KCNH5: variants seen among roughly 807,000 people sequenced by gnomAD.
The protein encoded by KCNH5 is potassium voltage-gated channel subfamily H member 5.
Under a neutral mutation model 96.1 loss-of-function variants are expected in KCNH5, and 46 were observed. The ratio of observed to expected loss-of-function variants is 0.48; its 90% CI spans 0.38 to 0.61. The LOEUF (loss-of-function observed/expected upper bound fraction) is 0.61. Among genes scored for constraint, KCNH5 ranks in the 20% least tolerant of loss-of-function variants. The pLI is 0.00. For missense variants in KCNH5, 907 were observed against 1,225.8 expected (o/e 0.74, Z 3.88); for synonymous variants, 439 against 449.8 (o/e 0.98, Z 0.30).
At chr14:62,890,339 A>G (rs1295081532) in intron 7 of KCNH5, among the ~76,000 whole-genome samples, 3 of 152,188 alleles carry the variant, frequency 2.0e-5, no homozygotes, top group African/African-American at 7.2e-5. Flanking sequence ...GTATCTGGGA[A>G]AGGTCTAATA....
At chr14:62,998,076 T>C (rs894990412) in intron 4 of KCNH5, among the ~76,000 whole-genome samples, 3 of 152,226 alleles carry the variant, frequency 2.0e-5, no homozygotes, top group Middle Eastern at 3.4e-3. Flanking sequence ...TCCCTAAACG[T>C]ATGGTAGCGC....
At position 62,707,546 on chromosome 14, in the gene KCNH5, C is replaced by T; in HGVS notation, c.2929G>A (p.Glu977Lys). The change falls in exon 11 of 11, where the codon GAA (glutamate) becomes AAA (lysine). Residue 977 changes from glutamate to lysine, a missense_variant. Glu to Lys is a moderately conservative substitution (Grantham distance 56, BLOSUM62 1). This residue lies in a region of KCNH5 where 362 missense variants were observed against 394.4 expected (regional missense o/e 0.92). Transcript: ENST00000322893. Reference sequence around the variant, plus strand: ...TCATCTTTGTCAGATTCAGGTGATTCAGGCCTTGAGACACTAAAAATATCC... The same window carrying T: ...TCATCTTTGTCAGATTCAGGTGATTTAGGCCTTGAGACACTAAAAATATCC... ...CQDIFSVSRPESPESDKDEIH... is the reference protein window; with the variant it reads ...CQDIFSVSRPKSPESDKDEIH... 2 of 1,470,016 alleles carry T rather than the reference C, an allele frequency of 1.4e-6. No homozygotes were observed. The highest frequency in any genetic ancestry group is 1.6e-5 in the South Asian group (1 of 61,418). 91.1% of individuals were successfully genotyped at this position (1,470,016 alleles called of 1,614,324 possible).
At chr14:62,840,566 C>CTTTTCTTTCTTTTTTTTTTTTT (rs1887561319) in intron 8 of KCNH5, among the ~76,000 whole-genome samples, 2 of 76,366 alleles carry the variant, frequency 2.6e-5, no homozygotes, top group African/African-American at 1.2e-4. Context: ...TCTTTTTTTT[C>CTTTTCTTTCTTTTTTTTTTTTT]TTTTTTTTTT....
chr14:62,941,979 GAAA>G (rs1889798459), intron 7 of KCNH5, among the ~76,000 whole-genome samples: 1 of 152,014 alleles, frequency 6.6e-6, no homozygotes, highest in Non-Finnish European at 1.5e-5. Context: ...TTTCTATATG[GAAA>G]AACACTTCTC....
chr14:62,787,032 G>A (rs1886334105), intron 9 of KCNH5, among the ~76,000 whole-genome samples: 1 of 152,136 alleles, frequency 6.6e-6, no homozygotes, highest in South Asian at 2.1e-4. Flanking sequence ...AAAAGGAAGA[G>A]TCACAAATCT....
At chr14:62,981,985 G>A (rs10138377) in intron 5 of KCNH5, among the ~76,000 whole-genome samples, 151,190 of 152,318 alleles carry the variant, frequency 0.99, 75,042 homozygotes, top group Middle Eastern at 1. Context: ...AACAAAGATA[G>A]AAAGCAGATG....
At chr14:62,832,208 T>C (rs1393040007) in intron 8 of KCNH5, among the ~76,000 whole-genome samples, 1 of 152,188 alleles carries the variant, frequency 6.6e-6, no homozygotes, top group Admixed American at 6.5e-5. Flanking sequence ...GTAGTAATAA[T>C]TATAAGCATA....
intron 8 of KCNH5, among the ~76,000 whole-genome samples, chr14:62,834,109 T>C (rs1008855186): frequency 1.3e-5 from 2 of 152,048 alleles, no homozygotes; most frequent in African/African-American, 2.4e-5. Context: ...CTCGTGGCTT[T>C]TATAAAATCA....
At chr14:62,952,499 CG>C (rs1890026056) in intron 6 of KCNH5, among the ~76,000 whole-genome samples, 2 of 151,992 alleles carry the variant, frequency 1.3e-5, no homozygotes, top group South Asian at 4.1e-4. Context: ...TCTAAAGAAA[CG>C]CATAATCGAA....
rs888799086 is a variant in KCNH5 at position 62,938,391 on chromosome 14, TG to T, written c.1369+11741del. ...GGGCTAACTCAGTTGTCACAACATA[TG>T]AAAATATTAAACAAGTAGGTAAGAA... On this transcript the variant is annotated intron_variant, in intron 7 of 10. Coordinates refer to ENST00000322893, the MANE Select transcript of KCNH5 (RefSeq NM_139318.5). Among the ~76,000 whole-genome samples, 11 of 152,262 alleles carry T rather than the reference TG, an allele frequency of 7.2e-5. No homozygotes were observed. In the South Asian group the frequency reaches 1.0e-3, roughly 14 times the overall value.
At chr14:62,841,241 A>T (rs1427645296) in intron 8 of KCNH5, among the ~76,000 whole-genome samples, 1 of 152,222 alleles carries the variant, frequency 6.6e-6, no homozygotes, top group Non-Finnish European at 1.5e-5. Flanking sequence ...CTGTTTCTTA[A>T]AAGTTTAGTT....
Position 62,705,374 on chromosome 14 carries a change from T to C in KCNH5, c.*2134A>G, listed in dbSNP as rs529660754. ...TCACCTTTAAAAGCTTAAGCCAAAC[T>C]TGACTTAAACAAATAGAAAAATACC... On this transcript the variant is annotated 3_prime_UTR_variant, in exon 11 of 11. Coordinates refer to ENST00000322893, the MANE Select transcript of KCNH5 (RefSeq NM_139318.5). 28 of 152,058 alleles carry C rather than the reference T, an allele frequency of 1.8e-4. No individual in the cohort carries two copies. The highest frequency in any genetic ancestry group is 3.4e-3 in the Middle Eastern group (1 of 294). The allele number at this position is 152,058 out of a possible 1,614,324, so 9.4% of individuals were successfully genotyped here.
chr14:62,790,957 C>T (rs758860318), intron 9 of KCNH5, among the ~76,000 whole-genome samples: 2 of 151,648 alleles, frequency 1.3e-5, no homozygotes, highest in East Asian at 1.9e-4. Flanking sequence ...GTTTTAAATG[C>T]CTTTCATTTA....
chr14:62,851,412 G>A (rs992240710), intron 7 of KCNH5, among the ~76,000 whole-genome samples: 2 of 151,018 alleles, frequency 1.3e-5, no homozygotes, highest in South Asian at 2.1e-4. Flanking sequence ...GAAATGAAGA[G>A]GTTACTAGGA....
intron 10 of KCNH5, among the ~76,000 whole-genome samples, chr14:62,759,185 T>G (rs1885691689): frequency 3.3e-5 from 5 of 152,170 alleles, no homozygotes. Context: ...TAGTTTGACT[T>G]ATTTTGGTAA....
chr14:63,003,618 AT>A (rs1594670130), intron 3 of KCNH5, among the ~76,000 whole-genome samples: 2 of 124,344 alleles, frequency 1.6e-5, no homozygotes, highest in African/African-American at 6.6e-5. Context: ...TTATATATAT[AT>A]ATATATTTTT....
intron 6 of KCNH5, among the ~76,000 whole-genome samples, chr14:62,954,768 G>A (rs146580920): frequency 0.028 from 4,242 of 152,206 alleles, 78 homozygotes; most frequent in Non-Finnish European, 0.041. Flanking sequence ...AGTTCCACAC[G>A]GCTGGGGAGG....
chr14:62,875,962 T>C (rs1236513731), intron 7 of KCNH5, among the ~76,000 whole-genome samples: 3 of 151,850 alleles, frequency 2.0e-5, no homozygotes, highest in Non-Finnish European at 4.4e-5. Flanking sequence ...AGGTCAGGAG[T>C]TTGAGAACAG....
chr14:62,891,712 G>C (rs4426276), intron 7 of KCNH5, among the ~76,000 whole-genome samples: 109,932 of 152,014 alleles, frequency 0.72, 40,709 homozygotes, highest in East Asian at 0.99. Context: ...GTCATTTTTC[G>C]AACAGTATGT....
Sources: allele counts gnomAD v4.1 joint callset (sites outside exome capture counted in the v4.1 genomes callset), GRCh38; gene constraint gnomAD v4.1.1; regional missense constraint gnomAD v4.1.1; transcripts MANE v1.5; gene names NCBI Gene and HGNC (gene_info 2026-07-23, HGNC 2026-07-21).